The following CTNNA2 variants were observed in gnomAD, a reference collection of about 807,000 sequenced individuals.
CTNNA2 encodes the protein catenin alpha 2, also known as catenin alpha-2.
Under a neutral mutation model 101.0 loss-of-function variants are expected in CTNNA2, and 42 were observed. The observed-to-expected ratio is 0.42, with a 90% confidence interval of 0.32 to 0.54. The LOEUF (loss-of-function observed/expected upper bound fraction) is 0.54. CTNNA2 is among the 20% of genes least tolerant of loss of function. CTNNA2 has a pLI of 0.14. For synonymous variants in CTNNA2, 450 were observed against 456.4 expected (o/e 0.99, Z 0.18); for missense variants, 871 against 1,223.1 (o/e 0.71, Z 4.29).
chr2:79,551,311 A>G (rs1674084569), intron 1 of CTNNA2, among the ~76,000 whole-genome samples: 1 of 152,168 alleles, frequency 6.6e-6, no homozygotes. Flanking sequence ...GAGGAAATGG[A>G]AAAATGGGGG....
chr2:80,533,905 C>G (rs151156705), intron 9 of CTNNA2, among the ~76,000 whole-genome samples: 52 of 152,232 alleles, frequency 3.4e-4, no homozygotes, highest in African/African-American at 1.2e-3. Flanking sequence ...CATAACCACA[C>G]ATTATTGATG....
intron 3 of CTNNA2, among the ~76,000 whole-genome samples, chr2:79,782,463 C>G (rs1232132767): frequency 6.6e-6 from 1 of 152,120 alleles, no homozygotes; most frequent in Non-Finnish European, 1.5e-5. Context: ...TCTCAAACTC[C>G]TGACCTCAGG....
intron 3 of CTNNA2, among the ~76,000 whole-genome samples, chr2:79,845,230 A>G (rs1680145883): frequency 7.9e-6 from 1 of 127,152 alleles, no homozygotes; most frequent in African/African-American, 3.0e-5. Flanking sequence ...ATTTCTCTAT[A>G]GTTGTTCTGC....
rs144692550 is a variant in CTNNA2 at position 79,442,482 on chromosome 2, G to A, written c.-134-62572G>A. Among the ~76,000 whole-genome samples, 5 of 152,164 alleles carry A rather than the reference G, an allele frequency of 3.3e-5. No homozygotes were observed. The East Asian group carries it at 5.8e-4, about 18-fold the overall frequency. On this transcript the variant is annotated intron_variant, in intron 4 of 21. Transcript: ENST00000466387. ...TTTTTGAAATTTGGCATGAAGATAC[G>A]TGTTCTGTTGTTACAAAATGGCTTC... is the stretch of plus-strand genomic sequence containing the variant.
chr2:80,342,668 A>G (rs1672348148), intron 7 of CTNNA2, among the ~76,000 whole-genome samples: 1 of 152,208 alleles, frequency 6.6e-6, no homozygotes, highest in Admixed American at 6.5e-5. Context: ...ACAAAATTTC[A>G]AATTATGAAA....
chr2:79,505,370 G>A (rs1671390132), intron 5 of CTNNA2, among the ~76,000 whole-genome samples: 1 of 151,574 alleles, frequency 6.6e-6, no homozygotes, highest in Admixed American at 6.6e-5. Flanking sequence ...TTTCTTCCTG[G>A]GCTTGGACTG....
intron 7 of CTNNA2, among the ~76,000 whole-genome samples, chr2:80,049,719 A>G: frequency 6.6e-6 from 1 of 152,038 alleles, no homozygotes; most frequent in East Asian, 1.9e-4. Context: ...TGCTGAGGGC[A>G]CTTCTGTATT....
chr2:79,447,322 G>T (rs988489015), intron 4 of CTNNA2, among the ~76,000 whole-genome samples: 1 of 151,854 alleles, frequency 6.6e-6, no homozygotes, highest in African/African-American at 2.4e-5. Context: ...TTAGCCTTAT[G>T]CTATAAAAAA....
chr2:79,300,237 A>C (rs568272559), intron 2 of CTNNA2, among the ~76,000 whole-genome samples: 18 of 152,150 alleles, frequency 1.2e-4, no homozygotes, highest in Admixed American at 1.0e-3. Flanking sequence ...CTGTCTCCAT[A>C]GTTTTGCCTT....
rs116507706 is a variant in CTNNA2 at position 79,647,462 on chromosome 2, C to A, written c.-5-4090C>A. On this transcript the variant is annotated intron_variant, in intron 1 of 18. Coordinates refer to ENST00000402739, the MANE Select transcript of CTNNA2 (RefSeq NM_001282597.3). ...TGAGGAAACTGGGACTCAGAAAGGG[C>A]AGGCAATTGAACAGTATCACAGAGC... is the stretch of plus-strand genomic sequence containing the variant. 3.1e-3 allele frequency among the ~76,000 whole-genome samples: 470 copies of A among 152,136 alleles called. 4 individuals carry two copies. Among genetic ancestry groups the A allele is most frequent in the African/African-American group, 0.011 (455 of 41,490 alleles).
chr2:80,133,601 C>T (rs1702530977), intron 7 of CTNNA2, among the ~76,000 whole-genome samples: 1 of 152,054 alleles, frequency 6.6e-6, no homozygotes, highest in East Asian at 1.9e-4. Flanking sequence ...TCAATTGAAC[C>T]TCTACTGGAC....
intron 1 of CTNNA2, among the ~76,000 whole-genome samples, chr2:79,538,037 A>G (rs1469383472): frequency 2.0e-5 from 3 of 152,196 alleles, no homozygotes; most frequent in East Asian, 1.9e-4. Context: ...GGGAAGATCT[A>G]TTTAAACTCC....
At chr2:80,419,714 C>T (rs770779173) in intron 9 of CTNNA2, 113 bp downstream of exon 9, 4 of 1,113,574 alleles carry the variant, frequency 3.6e-6, no homozygotes, top group Non-Finnish European at 5.0e-6. Flanking sequence ...GAAATAAAGT[C>T]CTGGAATCAT....
chr2:79,423,827 T>G (rs898730411), intron 4 of CTNNA2, among the ~76,000 whole-genome samples: 1 of 152,190 alleles, frequency 6.6e-6, no homozygotes, highest in Non-Finnish European at 1.5e-5. Context: ...TTGCCTCTTA[T>G]GCGGACTAAT....
chr2:79,669,716 G>C (rs372020465), intron 2 of CTNNA2, among the ~76,000 whole-genome samples: 1 of 152,166 alleles, frequency 6.6e-6, no homozygotes, highest in Non-Finnish European at 1.5e-5. Flanking sequence ...GCAGCTCTCA[G>C]TGAAGAGGGT....
intron 3 of CTNNA2, among the ~76,000 whole-genome samples, chr2:79,824,953 A>T (rs1334772506): frequency 6.6e-6 from 1 of 152,138 alleles, no homozygotes; most frequent in South Asian, 2.1e-4. Context: ...CACTTAGGGA[A>T]GCTGAGGTGG....
intron 7 of CTNNA2, among the ~76,000 whole-genome samples, chr2:79,910,878 TCC>T (rs1685745621): frequency 6.6e-6 from 1 of 152,082 alleles, no homozygotes; most frequent in South Asian, 2.1e-4. Context: ...GTAGCAGTGC[TCC>T]TCCTGCTGAC....
In CTNNA2 at chr2:79,768,924, G is replaced by A. The variant is rs531217100; in HGVS notation, c.298+24342G>A. Among the ~76,000 whole-genome samples, 5 of 152,134 alleles carry A rather than the reference G, an allele frequency of 3.3e-5. No individual in the cohort carries two copies. In the East Asian group the frequency reaches 5.8e-4, roughly 18 times the overall value. Reference sequence around the variant, plus strand: ...GGCTGGAGTGCAGTGGCGCCATCTCGGCTCACTGCAAGCTCCACCTCCCGG... The same window carrying A: ...GGCTGGAGTGCAGTGGCGCCATCTCAGCTCACTGCAAGCTCCACCTCCCGG... On this transcript the variant is annotated intron_variant, in intron 3 of 18. Coordinates refer to ENST00000402739, the MANE Select transcript of CTNNA2 (RefSeq NM_001282597.3).
At chr2:79,285,090 T>G (rs947607000) in intron 2 of CTNNA2, among the ~76,000 whole-genome samples, 2 of 150,560 alleles carry the variant, frequency 1.3e-5, no homozygotes, top group Admixed American at 6.6e-5. Flanking sequence ...TGTATTTCTG[T>G]GGGATCGGTG....
Sources: gnomAD v4.1 joint callset for allele counts (sites outside exome capture counted in the v4.1 genomes callset) on GRCh38, gnomAD v4.1.1 for gene constraint, MANE v1.5 for transcripts, NCBI Gene and HGNC (gene_info 2026-07-23, HGNC 2026-07-21) for gene names.